Variants in VAV3 observed in about 807,000 individuals in gnomAD.
VAV3 encodes the protein guanine nucleotide exchange factor VAV3.
A neutral mutation model predicts 131.2 loss-of-function variants in VAV3; 94 were observed. The observed-to-expected ratio is 0.72, with a 90% CI of 0.61 to 0.85. VAV3 has a LOEUF of 0.85. VAV3 is among the 40% of genes least tolerant of loss of function. The probability of loss-of-function intolerance (pLI) is 0.00; values close to 1 mark genes in which losing one functional copy is unlikely to be tolerated. For missense variants in VAV3, 939 were observed against 1,002.7 expected, an observed-to-expected ratio of 0.94 and a Z score of 0.86; for synonymous variants, 349 against 342.0, an observed-to-expected ratio of 1.02 and a Z score of -0.22.
At chr1:107,613,870 T>TA (rs1364080121) in intron 21 of VAV3, among the ~76,000 whole-genome samples, 1 of 152,146 alleles carries the variant, frequency 6.6e-6, no homozygotes, top group African/African-American at 2.4e-5. Context: ...TTTTATTTTT[T>TA]ATTTGAGACG....
intron 2 of VAV3, among the ~76,000 whole-genome samples, chr1:107,786,883 T>C (rs773203386): frequency 4.6e-5 from 7 of 152,316 alleles, no homozygotes; most frequent in Middle Eastern, 6.8e-3. Context: ...TCTAGAGATA[T>C]CATGTTTTAT....
intron 24 of VAV3, 127 bp downstream of exon 24, chr1:107,602,270 T>C: frequency 3.5e-6 from 2 of 579,004 alleles, no homozygotes; most frequent in Middle Eastern, 4.9e-4. Context: ...GTTGCAAAAT[T>C]AGAATATGAT....
chr1:107,712,111 C>T (rs757551048), intron 15 of VAV3, among the ~76,000 whole-genome samples: 2 of 152,230 alleles, frequency 1.3e-5, no homozygotes, highest in Non-Finnish European at 2.9e-5. Context: ...CAAACCAACA[C>T]ACAAACATAC....
At chr1:107,878,806 G>C (rs1210973510) in intron 1 of VAV3, among the ~76,000 whole-genome samples, 1 of 152,072 alleles carries the variant, frequency 6.6e-6, no homozygotes, top group Non-Finnish European at 1.5e-5. Flanking sequence ...GTGAAGATGT[G>C]GTACCATGTG....
At chr1:107,619,807 T>C (rs1329961115) in intron 20 of VAV3, among the ~76,000 whole-genome samples, 2 of 152,166 alleles carry the variant, frequency 1.3e-5, no homozygotes, top group African/African-American at 2.4e-5. Flanking sequence ...TAGAATGCAG[T>C]GTACAGGAGA....
At chr1:107,874,170 C>G (rs2101018153) in intron 2 of VAV3, among the ~76,000 whole-genome samples, 1 of 152,182 alleles carries the variant, frequency 6.6e-6, no homozygotes, top group South Asian at 2.1e-4. Flanking sequence ...CCTTAATTAC[C>G]TGACTCTTTT....
chr1:107,798,890 GA>G (rs1457448937), intron 2 of VAV3, among the ~76,000 whole-genome samples: 16 of 152,004 alleles, frequency 1.1e-4, no homozygotes, highest in Admixed American at 1.0e-3. Flanking sequence ...TTCAGAAGAA[GA>G]TTTTTTTAAT....
intron 2 of VAV3, among the ~76,000 whole-genome samples, chr1:107,836,098 C>T (rs1576887): frequency 6.6e-6 from 1 of 152,130 alleles, no homozygotes; most frequent in Admixed American, 6.5e-5. Flanking sequence ...GTCAACACTC[C>T]ACTGACAGCA....
intron 2 of VAV3, among the ~76,000 whole-genome samples, chr1:107,800,223 G>A: frequency 6.6e-6 from 1 of 152,200 alleles, no homozygotes; most frequent in South Asian, 2.1e-4. Flanking sequence ...TAATATAAGT[G>A]CTAGGTTATA....
At chr1:107,963,897 G>A (rs149348367) in intron 1 of VAV3, among the ~76,000 whole-genome samples, 115 of 152,304 alleles carry the variant, frequency 7.6e-4, no homozygotes, top group African/African-American at 2.6e-3. Context: ...CAACCTTCCA[G>A]AGGTGTCTGG....
At chr1:107,692,183 A>T (rs979177799) in intron 17 of VAV3, among the ~76,000 whole-genome samples, 1 of 152,182 alleles carries the variant, frequency 6.6e-6, no homozygotes, top group African/African-American at 2.4e-5. Flanking sequence ...GCTTGGACTG[A>T]TCAAATTTTG....
At chr1:107,801,975 T>G (rs937385577) in intron 2 of VAV3, among the ~76,000 whole-genome samples, 15 of 152,092 alleles carry the variant, frequency 9.9e-5, no homozygotes, top group Admixed American at 9.8e-4. Context: ...CTTTAAGTTC[T>G]GGGGTACATG....
intron 2 of VAV3, among the ~76,000 whole-genome samples, chr1:107,791,477 G>A (rs1411063383): frequency 3.3e-5 from 5 of 152,096 alleles, no homozygotes; most frequent in African/African-American, 1.2e-4. Context: ...TACATTCAAG[G>A]GCATTTCAGA....
At chr1:107,701,240 A>G (rs1660112736) in intron 17 of VAV3, among the ~76,000 whole-genome samples, 1 of 152,042 alleles carries the variant, frequency 6.6e-6, no homozygotes, top group Non-Finnish European at 1.5e-5. Flanking sequence ...TCAACTCTTG[A>G]CTTTTGTGCA....
intron 15 of VAV3, among the ~76,000 whole-genome samples, chr1:107,729,115 G>T (rs1662058733): frequency 6.6e-6 from 1 of 152,100 alleles, no homozygotes; most frequent in Admixed American, 6.5e-5. Context: ...ATGACCTCAG[G>T]TATATTTTGT....
At chr1:107,847,066 A>T (rs1247139171) in intron 2 of VAV3, among the ~76,000 whole-genome samples, 1 of 152,172 alleles carries the variant, frequency 6.6e-6, no homozygotes, top group Non-Finnish European at 1.5e-5. Context: ...AATCATAAAA[A>T]ACAGTCTCTC....
intron 1 of VAV3, among the ~76,000 whole-genome samples, chr1:107,881,244 A>G (rs1670764338): frequency 6.6e-6 from 1 of 152,236 alleles, no homozygotes; most frequent in Non-Finnish European, 1.5e-5. Flanking sequence ...AGGATAGTAG[A>G]AGGAGAGATG....
intron 19 of VAV3, among the ~76,000 whole-genome samples, chr1:107,648,109 G>C (rs1217976547): frequency 3.9e-5 from 6 of 151,942 alleles, no homozygotes; most frequent in African/African-American, 1.5e-4. Context: ...TTCACAAAGG[G>C]AACACTCCCC....
intron 15 of VAV3, among the ~76,000 whole-genome samples, chr1:107,724,889 CAT>C (rs5776898): frequency 0.92 from 140,151 of 151,932 alleles, 64,752 homozygotes; most frequent in East Asian, 1. Context: ...GCCATTTGTG[CAT>C]ATACTCCAGA....
Sources: allele counts gnomAD v4.1 joint callset (sites outside exome capture counted in the v4.1 genomes callset), GRCh38; gene constraint gnomAD v4.1.1; transcripts MANE v1.5; gene names NCBI Gene and HGNC (gene_info 2026-07-23, HGNC 2026-07-21).